IL1RL1: variants seen among roughly 807,000 people sequenced by gnomAD.
The protein encoded by IL1RL1 is interleukin 1 receptor like 1.
A neutral mutation model predicts 50.9 loss-of-function variants in IL1RL1; 32 were observed. The observed-to-expected ratio is 0.63, with a 90% confidence interval of 0.47 to 0.84. The LOEUF (loss-of-function observed/expected upper bound fraction) is 0.84. Among genes scored for constraint, IL1RL1 ranks in the 40% least tolerant of loss-of-function variants. IL1RL1 has a pLI of 0.00. For synonymous variants in IL1RL1, 275 were observed against 236.0 expected (o/e 1.17, Z -1.51); for missense variants, 773 against 662.9 (o/e 1.17, Z -1.82).
At chr2:102,337,833 T>C (rs1006799861) in intron 1 of IL1RL1, among the ~76,000 whole-genome samples, 1 of 152,230 alleles carries the variant, frequency 6.6e-6, no homozygotes, top group Non-Finnish European at 1.5e-5. Context: ...TCATATTCTT[T>C]CCTTCTTAAT....
At chr2:102,315,209 T>A (rs887137854) in intron 1 of IL1RL1, among the ~76,000 whole-genome samples, 3 of 152,056 alleles carry the variant, frequency 2.0e-5, no homozygotes, top group Non-Finnish European at 4.4e-5. Context: ...TGGATGAGGG[T>A]GTATGCCGTG....
chr2:102,324,687 G>A (rs533781574), intron 1 of IL1RL1, among the ~76,000 whole-genome samples: 4 of 152,308 alleles, frequency 2.6e-5, no homozygotes, highest in African/African-American at 7.2e-5. Flanking sequence ...TTAGCAAATG[G>A]CACACCAGGA....
In IL1RL1 at chr2:102,343,374, G is replaced by C. The variant is rs368714053; in HGVS notation, c.929G>C (p.Gly310Ala). Residue 310 changes from glycine to alanine, a missense_variant, in exon 8 of 11, where the codon GGC (glycine) becomes GCC (alanine). Gly to Ala is a moderately conservative substitution (Grantham distance 60, BLOSUM62 0). Coordinates refer to ENST00000233954, the MANE Select transcript of IL1RL1 (RefSeq NM_016232.5). Reference protein sequence around the residue: ...QYDCLALNLHGLRRHTVRLSR... With the variant: ...QYDCLALNLHALRRHTVRLSR... Reference sequence around the variant, plus strand: ...GACTGTCTGGCCCTGAATTTGCATGGCTTGAGAAGGCACACCGTAAGACTA... The same window carrying C: ...GACTGTCTGGCCCTGAATTTGCATGCCTTGAGAAGGCACACCGTAAGACTA... The C allele has an allele frequency of 6.8e-6, 11 of 1,614,076 alleles. No individual in the cohort carries two copies. Among genetic ancestry groups the C allele is most frequent in the Non-Finnish European group, 9.3e-6 (11 of 1,180,032 alleles).
Position 102,343,334 on chromosome 2 carries a change from T to G in IL1RL1, c.889T>G (p.Leu297Val). 4 of 1,614,208 alleles carry G rather than the reference T, an allele frequency of 2.5e-6. No individual in the cohort carries two copies. Among genetic ancestry groups the G allele is most frequent in the Non-Finnish European group, 2.5e-6 (3 of 1,180,040 alleles). Residue 297 changes from leucine (L) to valine (V), a missense_variant, in exon 8 of 11, where the codon TTA (leucine) becomes GTA (valine). Transcript: ENST00000233954. ...AATAGCTGACGTGAAGGAAGAGGATTTATTGCTGCAGTACGACTGTCTGGC... is the reference window on the plus strand; with the variant it reads ...AATAGCTGACGTGAAGGAAGAGGATGTATTGCTGCAGTACGACTGTCTGGC... ...LRIADVKEED[L>V]LLQYDCLALN...
intron 5 of IL1RL1, among the ~76,000 whole-genome samples, 177 bp from the exon 6 acceptor site, chr2:102,342,046 C>CGTGTGTGTGTGTGTGTGTGT (rs67962088): frequency 6.9e-6 from 1 of 144,068 alleles, no homozygotes; most frequent in African/African-American, 2.6e-5. Context: ...CTTTCTGTTT[C>CGTGTGTGTGTGTGTGTGTGT]GTGTGTGTGT....
intron 1 of IL1RL1, among the ~76,000 whole-genome samples, chr2:102,336,002 ATCTCTTCCTC>A (rs1337739848): frequency 6.6e-6 from 1 of 152,202 alleles, no homozygotes; most frequent in African/African-American, 2.4e-5. Context: ...AGGACTGTGT[ATCTCTTCCTC>A]TCAGAGCCAC....
At chr2:102,340,995 A>G (rs1393275163) in intron 5 of IL1RL1, among the ~76,000 whole-genome samples, 167 bp downstream of exon 5, 1 of 152,168 alleles carries the variant, frequency 6.6e-6, no homozygotes, top group Non-Finnish European at 1.5e-5. Context: ...GGTTTTCTGA[A>G]CACACTATCA....
At chr2:102,324,675 T>C (rs1057069015) in intron 1 of IL1RL1, among the ~76,000 whole-genome samples, 2 of 152,168 alleles carry the variant, frequency 1.3e-5, no homozygotes, top group Admixed American at 1.3e-4. Context: ...TTTCCAATGG[T>C]CTTAGCAAAT....
At chr2:102,338,050 G>A (rs1573149136) in intron 1 of IL1RL1, 66 bp from the exon 2 acceptor site, 10 of 374,922 alleles carry the variant, frequency 2.7e-5, no homozygotes, top group African/African-American at 6.3e-5. Context: ...CCTGGGTGGT[G>A]CTGAGAAAGT....
At chr2:102,321,321 C>T (rs1676832270) in intron 1 of IL1RL1, among the ~76,000 whole-genome samples, 1 of 152,120 alleles carries the variant, frequency 6.6e-6, no homozygotes, top group Admixed American at 6.5e-5. Flanking sequence ...TTTTGTTTCC[C>T]TTTGCTCTGT....
chr2:102,341,958 G>T (rs1052163444), intron 5 of IL1RL1, among the ~76,000 whole-genome samples: 5 of 151,958 alleles, frequency 3.3e-5, no homozygotes, highest in African/African-American at 1.2e-4. Flanking sequence ...GGTTGGATCT[G>T]CATTTGTTTA....
chr2:102,330,124 T>C (rs906640984), intron 1 of IL1RL1, among the ~76,000 whole-genome samples: 1 of 152,114 alleles, frequency 6.6e-6, no homozygotes, highest in African/African-American at 2.4e-5. Context: ...ATTAAGAAAA[T>C]GTGGTACATG....
chr2:102,341,342 T>C, intron 5 of IL1RL1: 1 of 1,232,036 alleles, frequency 8.1e-7, no homozygotes, highest in Non-Finnish European at 1.0e-6. Flanking sequence ...ACTTTCAACA[T>C]CATCAATGGC....
intron 1 of IL1RL1, among the ~76,000 whole-genome samples, chr2:102,329,114 C>T (rs1263794128): frequency 5.3e-5 from 8 of 152,204 alleles, no homozygotes; most frequent in African/African-American, 1.9e-4. Context: ...GTAACCAAAA[C>T]AGCATGGTAC....
intron 8 of IL1RL1, chr2:102,345,210 A>G (rs1369489180): frequency 6.1e-6 from 6 of 984,296 alleles, no homozygotes; most frequent in Non-Finnish European, 7.2e-6. Context: ...TGCTCTTCCC[A>G]CAGAGGTGGA....
intron 10 of IL1RL1, among the ~76,000 whole-genome samples, chr2:102,350,215 C>G (rs1344551840): frequency 6.6e-6 from 1 of 152,242 alleles, no homozygotes; most frequent in East Asian, 1.9e-4. Context: ...CTCAAACACT[C>G]TTTTCATATT....
intron 1 of IL1RL1, among the ~76,000 whole-genome samples, chr2:102,322,116 G>A (rs536631237): frequency 1.3e-4 from 20 of 152,320 alleles, no homozygotes; most frequent in African/African-American, 4.8e-4. Flanking sequence ...TGGCAGACTG[G>A]AAATTCAGAT....
chr2:102,327,062 C>T (rs1255683954), intron 1 of IL1RL1, among the ~76,000 whole-genome samples: 1 of 152,146 alleles, frequency 6.6e-6, no homozygotes. Context: ...TTTTTTTCAG[C>T]ACCACACCAC....
At chr2:102,345,910 C>G in intron 8 of IL1RL1, 1 of 985,334 alleles carries the variant, frequency 1.0e-6, no homozygotes, top group Non-Finnish European at 1.2e-6. Flanking sequence ...CTTGTGTACT[C>G]CTGCTTTGCT....
Sources: gnomAD v4.1 joint callset for allele counts (sites outside exome capture counted in the v4.1 genomes callset) on GRCh38, gnomAD v4.1.1 for gene constraint, MANE v1.5 for transcripts, NCBI Gene and HGNC (gene_info 2026-07-23, HGNC 2026-07-21) for gene names.